The following ARHGAP10 variants were observed in gnomAD, a reference collection of about 807,000 sequenced individuals.
The protein encoded by ARHGAP10 is Rho GTPase activating protein 10.
Under a neutral mutation model 108.6 loss-of-function variants are expected in ARHGAP10, and 87 were observed. The observed-to-expected ratio is 0.80, with a 90% CI of 0.67 to 0.96. The LOEUF (loss-of-function observed/expected upper bound fraction) is 0.96, where lower values mean the gene tolerates loss of function less well. Ranked by LOEUF, ARHGAP10 falls within the 40% of genes least tolerant of loss-of-function variation. The pLI, the probability that ARHGAP10 is intolerant of heterozygous loss-of-function variation, is 0.00. For synonymous variants in ARHGAP10, 347 were observed against 341.1 expected, an observed-to-expected ratio of 1.02 and a Z score of -0.19; for missense variants, 939 against 954.5, an observed-to-expected ratio of 0.98 and a Z score of 0.21.
chr4:147,792,626 T>C (rs1265284187), intron 1 of ARHGAP10, among the ~76,000 whole-genome samples: 1 of 152,212 alleles, frequency 6.6e-6, no homozygotes, highest in Non-Finnish European at 1.5e-5. Flanking sequence ...CCTTATCTAG[T>C]TCTCTTTGTG....
chr4:148,063,953 T>A (rs11099675), intron 21 of ARHGAP10, among the ~76,000 whole-genome samples: 1 of 151,814 alleles, frequency 6.6e-6, no homozygotes, highest in Admixed American at 6.6e-5. Context: ...AAGCCCCTTC[T>A]AGAGCGGTGG....
chr4:147,773,118 TAAG>T (rs1172803137), intron 1 of ARHGAP10, among the ~76,000 whole-genome samples: 3 of 152,220 alleles, frequency 2.0e-5, no homozygotes, highest in Non-Finnish European at 2.9e-5. Context: ...CACTTTATAT[TAAG>T]AAGCTGTTAC....
chr4:148,008,211 T>C (rs1368404855), intron 18 of ARHGAP10, among the ~76,000 whole-genome samples: 1 of 152,146 alleles, frequency 6.6e-6, no homozygotes, highest in Non-Finnish European at 1.5e-5. Context: ...TTGAATCTAG[T>C]ATTACTGGTC....
intron 18 of ARHGAP10, among the ~76,000 whole-genome samples, chr4:148,016,654 G>T (rs1057370828): frequency 6.6e-6 from 1 of 152,174 alleles, no homozygotes; most frequent in Non-Finnish European, 1.5e-5. Flanking sequence ...GCAAGCACCA[G>T]CTAGGTGTCC....
intron 18 of ARHGAP10, among the ~76,000 whole-genome samples, chr4:148,015,703 G>T (rs535560694): frequency 1.3e-5 from 2 of 152,326 alleles, no homozygotes; most frequent in South Asian, 4.1e-4. Context: ...AGTTCAGGTT[G>T]CCTGGGAGTG....
At chr4:147,849,849 C>A (rs1261507644) in intron 4 of ARHGAP10, among the ~76,000 whole-genome samples, 1 of 152,188 alleles carries the variant, frequency 6.6e-6, no homozygotes, top group Non-Finnish European at 1.5e-5. Context: ...ACGTATCCCT[C>A]CATTTTATGG....
chr4:147,770,590 A>T (rs530209479), intron 1 of ARHGAP10, among the ~76,000 whole-genome samples: 7 of 152,342 alleles, frequency 4.6e-5, no homozygotes, highest in African/African-American at 1.4e-4. Flanking sequence ...TTTAACTTAT[A>T]GTCATGTGGT....
chr4:147,971,107 A>G (rs1351421913), intron 18 of ARHGAP10, among the ~76,000 whole-genome samples: 3 of 151,862 alleles, frequency 2.0e-5, no homozygotes, highest in East Asian at 1.9e-4. Context: ...AAAAAAAAAA[A>G]AAAAAAAAGA....
intron 1 of ARHGAP10, among the ~76,000 whole-genome samples, chr4:147,753,442 C>T (rs183316066): frequency 6.6e-6 from 1 of 151,286 alleles, no homozygotes; most frequent in African/African-American, 2.4e-5. Flanking sequence ...CTCCTGGGTT[C>T]AAGCGATTCT....
chr4:148,029,148 A>G (rs573270877), intron 19 of ARHGAP10, among the ~76,000 whole-genome samples: 14 of 152,320 alleles, frequency 9.2e-5, no homozygotes, highest in Admixed American at 8.5e-4. Flanking sequence ...AAAGAGAGAA[A>G]TAGTAAATAG....
intron 1 of ARHGAP10, among the ~76,000 whole-genome samples, chr4:147,794,932 A>G (rs917139652): frequency 6.6e-6 from 1 of 152,244 alleles, no homozygotes; most frequent in South Asian, 2.1e-4. Flanking sequence ...ATACTTTACC[A>G]TAAAAATTCA....
At chr4:147,909,050 A>G (rs1736626903) in intron 11 of ARHGAP10, among the ~76,000 whole-genome samples, 1 of 152,216 alleles carries the variant, frequency 6.6e-6, no homozygotes, top group Non-Finnish European at 1.5e-5. Flanking sequence ...TGCCCATCAC[A>G]AGTCTGGACC....
intron 18 of ARHGAP10, among the ~76,000 whole-genome samples, chr4:148,014,712 TA>T (rs1251084444): frequency 2.0e-5 from 3 of 152,214 alleles, no homozygotes; most frequent in Non-Finnish European, 4.4e-5. Flanking sequence ...GTCTGGTTGA[TA>T]AAGATTGTCA....
At chr4:147,913,780 ACAACT>A (rs1736849737) in intron 13 of ARHGAP10, among the ~76,000 whole-genome samples, 1 of 152,146 alleles carries the variant, frequency 6.6e-6, no homozygotes, top group African/African-American at 2.4e-5. Flanking sequence ...GCAGTGATGT[ACAACT>A]CATCGTAATC....
At chr4:147,857,402 G>T in intron 4 of ARHGAP10, 151 bp from the exon 5 acceptor site, 2 of 695,464 alleles carry the variant, frequency 2.9e-6, no homozygotes, top group South Asian at 3.9e-5. Context: ...CAGTAGGCTT[G>T]GTACAGATAT....
chr4:147,906,741 G>A (rs1736512737), intron 11 of ARHGAP10, 22 bp downstream of exon 11: 1 of 1,613,230 alleles, frequency 6.2e-7, no homozygotes, highest in Non-Finnish European at 8.5e-7. Context: ...CAATGGTTGA[G>A]TTTTATTTCA....
rs555918387 is a variant in ARHGAP10 at position 147,906,541 on chromosome 4, A to G, written c.1035-97A>G. 47 of 1,120,862 alleles carry G rather than the reference A, an allele frequency of 4.2e-5. No homozygotes were observed. The African/African-American group carries it at 6.3e-4, about 15-fold the overall frequency. The allele number at this position is 1,120,862 out of a possible 1,614,324, so 69.4% of individuals were successfully genotyped here. A position where few individuals can be genotyped will look rare whatever the true frequency, so the allele number is the denominator to read the frequency against. On this transcript the variant is annotated intron_variant, in intron 10 of 22. Coordinates refer to ENST00000336498, the MANE Select transcript of ARHGAP10 (RefSeq NM_024605.4). ...AGGTTACATGTATTTTACCACAGAT[A>G]AAAGTAAAAAAAAAATGGTTACAAC...
intron 1 of ARHGAP10, among the ~76,000 whole-genome samples, chr4:147,784,019 TTA>T: frequency 7.2e-6 from 1 of 138,816 alleles, no homozygotes; most frequent in Admixed American, 7.5e-5. Context: ...TATTATATAA[TTA>T]TATAACACAC....
chr4:147,926,671 A>G (rs1560829989), intron 13 of ARHGAP10, among the ~76,000 whole-genome samples: 1 of 152,222 alleles, frequency 6.6e-6, no homozygotes, highest in South Asian at 2.1e-4. Flanking sequence ...AAAGGACAGA[A>G]TCTTTGTGAA....
Sources: allele counts gnomAD v4.1 joint callset (sites outside exome capture counted in the v4.1 genomes callset), GRCh38; gene constraint gnomAD v4.1.1; transcripts MANE v1.5; gene names NCBI Gene and HGNC (gene_info 2026-07-23, HGNC 2026-07-21).